RPGRIP1: variants seen among roughly 807,000 people sequenced by gnomAD.
The protein encoded by RPGRIP1 is X-linked retinitis pigmentosa GTPase regulator-interacting protein 1.
In RPGRIP1, 128 loss-of-function variants were observed where a neutral mutation model predicts 157.9. The ratio of observed to expected loss-of-function variants is 0.81; its 90% CI spans 0.70 to 0.94. The LOEUF is 0.94. Among genes scored for constraint, RPGRIP1 ranks in the 40% least tolerant of loss-of-function variants. The pLI is 0.00. For missense variants in RPGRIP1, 1,486 were observed against 1,545.8 expected (o/e 0.96, Z 0.65); for synonymous variants, 554 against 571.6 (o/e 0.97, Z 0.44).
At chr14:21,291,000 C>CAAA (rs34237756) in intron 2 of RPGRIP1, among the ~76,000 whole-genome samples, 1 of 90,322 alleles carries the variant, frequency 1.1e-5, no homozygotes, top group Non-Finnish European at 2.2e-5. Context: ...GACTCCATCT[C>CAAA]AAAAAAAAAA....
At chr14:21,309,433 G>A (rs1424181246) in intron 7 of RPGRIP1, among the ~76,000 whole-genome samples, 2 of 151,986 alleles carry the variant, frequency 1.3e-5, no homozygotes, top group African/African-American at 4.8e-5. Flanking sequence ...GATTGCTTGA[G>A]TGCTTGAGCC....
intron 2 of RPGRIP1, among the ~76,000 whole-genome samples, chr14:21,289,885 C>G (rs1452983324): frequency 6.6e-6 from 1 of 151,712 alleles, no homozygotes; most frequent in Non-Finnish European, 1.5e-5. Flanking sequence ...GAGACAGATT[C>G]TTGCTTTGTC....
At chr14:21,288,541 ACT>A (rs1293710333) in intron 2 of RPGRIP1, among the ~76,000 whole-genome samples, 1 of 132,936 alleles carries the variant, frequency 7.5e-6, no homozygotes, top group East Asian at 2.2e-4. Flanking sequence ...ATGGAGTTTC[ACT>A]CTCTCTCGTC....
chr14:21,301,329 C>A, intron 4 of RPGRIP1, 92 bp downstream of exon 4: 2 of 1,346,414 alleles, frequency 1.5e-6, no homozygotes, highest in Non-Finnish European at 2.0e-6. Flanking sequence ...CTTCTGCCCA[C>A]CACCCCATTT....
At chr14:21,284,796 C>T (rs1415568581) in intron 1 of RPGRIP1, among the ~76,000 whole-genome samples, 1 of 152,022 alleles carries the variant, frequency 6.6e-6, no homozygotes, top group African/African-American at 2.4e-5. Flanking sequence ...AGATGATTTG[C>T]CCGCCTCAGC....
rs948160924 is a variant in RPGRIP1, at chr14:21,351,058, CAA to C, written c.3749-44_3749-43del. ...ACCTAACCTGACAAATACCAAGTAT[CAA>C]AGTGTTCAACTGAGTGATGCTGTTT... On this transcript the variant is annotated intron_variant, in intron 24 of 24. Transcript: ENST00000400017. The C allele has an allele frequency of 3.8e-6, 4 of 1,061,234 alleles. No individual in the cohort carries two copies. In the African/African-American group the frequency reaches 6.3e-5, roughly 17 times the overall value. The allele number at this position is 1,061,234 out of a possible 1,614,324, so 65.7% of individuals were successfully genotyped here.
intron 14 of RPGRIP1, 199 bp from the exon 15 acceptor site, chr14:21,324,419 G>T (rs1311972821): frequency 1.6e-6 from 1 of 612,308 alleles, no homozygotes; most frequent in East Asian, 2.8e-5. Flanking sequence ...CCTAAAGCTG[G>T]CATTGGATTA....
At chr14:21,336,298 A>T (rs528224042) in intron 21 of RPGRIP1, among the ~76,000 whole-genome samples, 289 of 152,286 alleles carry the variant, frequency 1.9e-3, no homozygotes, top group Middle Eastern at 3.4e-3. Flanking sequence ...ACTTTGGGAA[A>T]CTGAGGCAGG....
At chr14:21,332,985 C>A (rs1385194776) in intron 20 of RPGRIP1, among the ~76,000 whole-genome samples, 2 of 151,982 alleles carry the variant, frequency 1.3e-5, no homozygotes, top group Non-Finnish European at 2.9e-5. Flanking sequence ...GTGCTGGTAA[C>A]CCCATCTGAG....
At chr14:21,321,145 G>A (rs1882414219) in intron 12 of RPGRIP1, 114 bp from the exon 13 acceptor site, 3 of 1,036,304 alleles carry the variant, frequency 2.9e-6, no homozygotes, top group East Asian at 5.2e-5. Flanking sequence ...TTACATTTTG[G>A]AGTAGTTTCT....
chr14:21,289,152 C>T (rs1156404242), intron 2 of RPGRIP1, among the ~76,000 whole-genome samples: 2 of 151,920 alleles, frequency 1.3e-5, no homozygotes, highest in Non-Finnish European at 2.9e-5. Context: ...ATGGTGAAAC[C>T]CCGTCTCTAC....
At chr14:21,288,810 G>T (rs1294574702) in intron 2 of RPGRIP1, among the ~76,000 whole-genome samples, 1 of 152,068 alleles carries the variant, frequency 6.6e-6, no homozygotes, top group African/African-American at 2.4e-5. Context: ...ACCGTGCCCA[G>T]ACTTAGTCTT....
At chr14:21,297,034 A>C (rs976026128) in intron 3 of RPGRIP1, among the ~76,000 whole-genome samples, 4 of 152,052 alleles carry the variant, frequency 2.6e-5, no homozygotes, top group African/African-American at 7.2e-5. Flanking sequence ...AAGAGGTTAA[A>C]TAAGTTGCCT....
At chr14:21,315,825 G>T (rs1192693963) in intron 10 of RPGRIP1, among the ~76,000 whole-genome samples, 1 of 150,206 alleles carries the variant, frequency 6.7e-6, no homozygotes, top group Non-Finnish European at 1.5e-5. Flanking sequence ...TTGAGGCAGA[G>T]TCTCACTCTG....
intron 9 of RPGRIP1, 59 bp from the exon 10 acceptor site, chr14:21,312,374 A>C: frequency 8.2e-7 from 1 of 1,220,386 alleles, no homozygotes; most frequent in East Asian, 2.4e-5. Flanking sequence ...GGACAGGGGA[A>C]ATCCTGTGCA....
Position 21,328,283 on chromosome 14 carries a change from T to G in RPGRIP1, c.2896-141T>G, listed in dbSNP as rs1021520821. The stretch of plus-strand genomic sequence containing the variant: ...GATGGAGCGAAAGCCTGGGTTTTAC[T>G]GCGGAAAAGAGAGAGAAATAGCATT... On this transcript the variant is annotated intron_variant, in intron 18 of 24. Transcript: ENST00000400017. The G allele has an allele frequency of 1.1e-5, 7 of 636,642 alleles. No homozygotes were observed. In the Admixed American group the frequency reaches 1.5e-4, roughly 14 times the overall value. The allele number at this position is 636,642 out of a possible 1,614,324, so 39.4% of individuals were successfully genotyped here. A position where few individuals can be genotyped will look rare whatever the true frequency, so the allele number is the denominator to read the frequency against.
At chr14:21,304,173 G>A (rs1881172096) in intron 6 of RPGRIP1, among the ~76,000 whole-genome samples, 1 of 151,280 alleles carries the variant, frequency 6.6e-6, no homozygotes, top group African/African-American at 2.4e-5. Context: ...AAACTAGCCA[G>A]GTATGGTGGC....
chr14:21,284,150 A>G (rs1399114875), intron 1 of RPGRIP1, among the ~76,000 whole-genome samples: 2 of 152,210 alleles, frequency 1.3e-5, no homozygotes, highest in Non-Finnish European at 2.9e-5. Context: ...CGGAAAGCAG[A>G]TCAATACAAT....
intron 4 of RPGRIP1, among the ~76,000 whole-genome samples, 182 bp from the exon 5 acceptor site, chr14:21,302,306 T>C (rs1284111046): frequency 1.3e-5 from 2 of 150,886 alleles, no homozygotes; most frequent in Non-Finnish European, 2.9e-5. Context: ...ATAGTCTGGC[T>C]GACTTTAGTT....
Sources: allele counts gnomAD v4.1 joint callset (sites outside exome capture counted in the v4.1 genomes callset), GRCh38; gene constraint gnomAD v4.1.1; transcripts MANE v1.5; gene names NCBI Gene and HGNC (gene_info 2026-07-23, HGNC 2026-07-21).